Variants in SLC30A1 observed in about 807,000 individuals in gnomAD.
SLC30A1 encodes the protein proton-coupled zinc antiporter SLC30A1.
SLC30A1 carries 7 observed loss-of-function variants against 29.8 expected under a neutral mutation model. The observed-to-expected ratio is 0.23, with a 90% CI of 0.13 to 0.44. SLC30A1 has a LOEUF of 0.44. Among genes scored for constraint, SLC30A1 ranks in the 20% least tolerant of loss-of-function variants. The pLI is 1.00. For synonymous variants in SLC30A1, 254 were observed against 253.5 expected, an observed-to-expected ratio of 1.00 and a Z score of -0.02; for missense variants, 446 against 647.9, an observed-to-expected ratio of 0.69 and a Z score of 3.38.
In SLC30A1 at chr1:211,577,987, T is replaced by C. The variant is rs1289191515; in HGVS notation, c.622+4A>G. The C allele has an allele frequency of 6.2e-7, 1 of 1,612,664 alleles. No individual in the cohort carries two copies. The highest frequency in any genetic ancestry group is 2.2e-5 in the East Asian group (1 of 44,872). ...CACCTGCGGCAGCGACTTTCCCGGCTCACCTGCGGGGTCCAATTTCAGCCC... is the reference window on the plus strand; with the variant it reads ...CACCTGCGGCAGCGACTTTCCCGGCCCACCTGCGGGGTCCAATTTCAGCCC... On this transcript the variant is annotated splice_donor_region_variant and intron_variant, in intron 1 of 1. Coordinates refer to ENST00000367001, the MANE Select transcript of SLC30A1 (RefSeq NM_021194.3). The surrounding 1 kb of genome is among the most constrained non-coding windows in gnomAD (Gnocchi z 4.5).
rs951889028 is a variant in SLC30A1, at chr1:211,572,551, C to A, written c.*2837G>T. On this transcript the variant is annotated 3_prime_UTR_variant, in exon 2 of 2. Transcript: ENST00000367001. ...CACAAACGGTTAACACAGCCTTCTA[C>A]CTACTGTGATTTTCCAAGGTGCATT... 4 of 152,046 alleles carry A rather than the reference C, an allele frequency of 2.6e-5. No individual in the cohort carries two copies. Among genetic ancestry groups the A allele is most frequent in the Non-Finnish European group, 5.9e-5 (4 of 67,928 alleles). The allele number at this position is 152,046 out of a possible 1,614,324, so 9.4% of individuals were successfully genotyped here.
In SLC30A1 at chr1:211,578,159, C is replaced by G. The variant is rs771552052; in HGVS notation, c.454G>C (p.Gly152Arg). 3 of 1,608,500 alleles carry G rather than the reference C, an allele frequency of 1.9e-6. No homozygotes were observed. The highest frequency in any genetic ancestry group is 2.5e-6 in the Non-Finnish European group (3 of 1,178,172). Residue 152 changes from glycine (G) to arginine (R), a missense_variant, in exon 1 of 2, where the codon GGT (glycine) becomes CGT (arginine). Gly to Arg is a moderately radical substitution (Grantham distance 125). Transcript: ENST00000367001. ...QDSGHGHSHG[G>R]HGHGHGLPKG... ...GGGAGGCCGTGGCCGTGGCCGTGACCCCCGTGCGAGTGGCCGTGGCCGGAG... is the reference window on the plus strand; with the variant it reads ...GGGAGGCCGTGGCCGTGGCCGTGACGCCCGTGCGAGTGGCCGTGGCCGGAG...
chr1:211,577,879 G>A lies in SLC30A1; in HGVS notation c.622+112C>T, dbSNP rs1418215277. ...GGGAGGGAGCAGGCAGGGGCGGCGC[G>A]GCGCAGGCCCGCTCGGGCAGCAGGG... On this transcript the variant is annotated intron_variant, in intron 1 of 1. Transcript: ENST00000367001. This position sits in a 1 kb window ranked among gnomAD's most constrained non-coding sequence, Gnocchi z 4.5. 7 of 1,400,526 alleles carry A rather than the reference G, an allele frequency of 5.0e-6. No homozygotes were observed. Among genetic ancestry groups the A allele is most frequent in the Non-Finnish European group, 5.7e-6 (6 of 1,049,148 alleles). The allele number at this position is 1,400,526 out of a possible 1,614,324, so 86.8% of individuals were successfully genotyped here.
chr1:211,572,387 C>G lies in SLC30A1; in HGVS notation c.*3001G>C, dbSNP rs932828411. 1 of 152,088 alleles carries G rather than the reference C, an allele frequency of 6.6e-6. No individual in the cohort carries two copies. The highest frequency in any genetic ancestry group is 1.5e-5 in the Non-Finnish European group (1 of 67,932). 9.4% of individuals were successfully genotyped at this position (152,088 alleles called of 1,614,324 possible). A position where few individuals can be genotyped will look rare whatever the true frequency, so the allele number is the denominator to read the frequency against. ...GCAGGTTAATGACATTTTTATCATT[C>G]AAATGATATCTGCTTATACACAGTA... On this transcript the variant is annotated 3_prime_UTR_variant, in exon 2 of 2. Coordinates refer to ENST00000367001, the MANE Select transcript of SLC30A1 (RefSeq NM_021194.3).
chr1:211,575,216 T>C lies in SLC30A1; in HGVS notation c.*172A>G. 1.6e-6 allele frequency: 1 copy of C among 608,632 alleles called. No individual in the cohort carries two copies. Among genetic ancestry groups the C allele is most frequent in the African/African-American group, 1.8e-5 (1 of 54,332 alleles). The allele number at this position is 608,632 out of a possible 1,614,324, so 37.7% of individuals were successfully genotyped here. ...TACTCTGTACTAATAATCACAAAAT[T>C]GTAATATAGAACTCTGTTATGCAGT... On this transcript the variant is annotated 3_prime_UTR_variant, in exon 2 of 2. Transcript: ENST00000367001. The surrounding 1 kb of genome is among the most constrained non-coding windows in gnomAD (Gnocchi z 6.0).
In SLC30A1 at chr1:211,575,550, A is replaced by C. The variant is rs1706707866; in HGVS notation, c.1362T>G (p.Pro454=). ...GGGTCTTTTCTGCATCCTTTCCAGA[A>C]GGGGCTTGTGGTAGTGTCCCACAAC... ...KQCCGTLPQA[P]SGKDAEKTPA... The change falls in exon 2 of 2, where the codon CCT becomes CCG. Residue 454 remains proline (P), a synonymous_variant. Coordinates refer to ENST00000367001, the MANE Select transcript of SLC30A1 (RefSeq NM_021194.3). This position sits in a 1 kb window ranked among gnomAD's most constrained non-coding sequence, Gnocchi z 6.0. 4.3e-6 allele frequency: 7 copies of C among 1,614,194 alleles called. No individual in the cohort carries two copies. The East Asian group carries it at 1.6e-4, about 36-fold the overall frequency.
In SLC30A1 at chr1:211,575,731, G is replaced by A. The variant is rs749609824; in HGVS notation, c.1181C>T (p.Thr394Ile). ...GGTTTTAGCCACCTCCATGTATGAT[G>A]TTGGATCTTCACATTTTATGTGAGC... is the stretch of plus-strand genomic sequence containing the variant. ...ATAHIKCEDPTSYMEVAKTIK... is the reference protein window; with the variant it reads ...ATAHIKCEDPISYMEVAKTIK... Residue 394 changes from threonine to isoleucine, a missense_variant, in exon 2 of 2, where the codon ACA (threonine) becomes ATA (isoleucine). Transcript: ENST00000367001. This position sits in a 1 kb window ranked among gnomAD's most constrained non-coding sequence, Gnocchi z 6.0. The A allele has an allele frequency of 8.7e-6, 14 of 1,613,990 alleles. No individual in the cohort carries two copies. The highest frequency in any genetic ancestry group is 6.7e-5 in the Admixed American group (4 of 60,008).
chr1:211,578,187 C>T lies in SLC30A1; in HGVS notation c.426G>A (p.Gln142=), dbSNP rs573282488. The T allele has an allele frequency of 1.9e-6, 3 of 1,609,922 alleles. No individual in the cohort carries two copies. In the African/African-American group the frequency reaches 4.0e-5, roughly 21 times the overall value. Residue 142 remains glutamine (Q), a synonymous_variant, in exon 1 of 2, where the codon CAG becomes CAA. Coordinates refer to ENST00000367001, the MANE Select transcript of SLC30A1 (RefSeq NM_021194.3). ...CGTGCGAGTGGCCGTGGCCGGAGTCCTGGCTGAAGCCGCTGTGATGGTGGA... is the reference window on the plus strand; with the variant it reads ...CGTGCGAGTGGCCGTGGCCGGAGTCTTGGCTGAAGCCGCTGTGATGGTGGA... ...CLFHHHSGFS[Q]DSGHGHSHGG... is the part of the protein sequence containing the mutation.
rs930321729 is a variant in SLC30A1 at position 211,571,584 on chromosome 1, T to C, written c.*3804A>G. 1 of 152,222 alleles carries C rather than the reference T, an allele frequency of 6.6e-6. No individual in the cohort carries two copies. The highest frequency in any genetic ancestry group is 2.4e-5 in the African/African-American group (1 of 41,454). The allele number at this position is 152,222 out of a possible 1,614,324, so 9.4% of individuals were successfully genotyped here. A position where few individuals can be genotyped will look rare whatever the true frequency, so the allele number is the denominator to read the frequency against. On this transcript the variant is annotated 3_prime_UTR_variant, in exon 2 of 2. Transcript: ENST00000367001. ...CAAATGAAGTAGATATTAAAATTAG[T>C]TTATTTTTCTACTTAACTTTTAATA...
rs1706754531 is a variant in SLC30A1, at chr1:211,578,836, AGC to A, written c.-226_-225del. On this transcript the variant is annotated 5_prime_UTR_variant, in exon 1 of 2. It adds an upstream start codon to the 5' untranslated region. Coordinates refer to ENST00000367001, the MANE Select transcript of SLC30A1 (RefSeq NM_021194.3). The stretch of plus-strand genomic sequence containing the variant: ...GCCAGCCGGCGGCGCCGCGCCGCGC[AGC>A]TCCTCAGGCGTCCGTCCTCAGAGCC... 1 of 331,634 alleles carries A rather than the reference AGC, an allele frequency of 3.0e-6. No homozygotes were observed. Among genetic ancestry groups the A allele is most frequent in the East Asian group, 4.9e-5 (1 of 20,380 alleles). 20.5% of individuals were successfully genotyped at this position (331,634 alleles called of 1,614,324 possible). A position where few individuals can be genotyped will look rare whatever the true frequency, so the allele number is the denominator to read the frequency against.
rs769180039 is a variant in SLC30A1 at position 211,575,891 on chromosome 1, G to A, written c.1021C>T (p.Leu341Phe). ...TTYPLLKESA[L>F]ILLQTVPKQI... ...TTAGGAACAGTTTGTAGAAGAATAA[G>A]AGCAGATTCCTTAAGTAATGGATAG... The change falls in exon 2 of 2, where the codon CTT becomes TTT. Residue 341 changes from leucine to phenylalanine, a missense_variant. This residue lies in a region of SLC30A1 where 187 missense variants were observed against 312.7 expected (regional missense o/e 0.60). Coordinates refer to ENST00000367001, the MANE Select transcript of SLC30A1 (RefSeq NM_021194.3). The surrounding 1 kb of genome is among the most constrained non-coding windows in gnomAD (Gnocchi z 6.0). The A allele has an allele frequency of 1.2e-6, 2 of 1,612,768 alleles. No homozygotes were observed. Among genetic ancestry groups the A allele is most frequent in the African/African-American group, 1.3e-5 (1 of 74,776 alleles).
rs761411455 is a variant in SLC30A1 at position 211,578,664 on chromosome 1, G to A, written c.-52C>T. 2.8e-6 allele frequency: 4 copies of A among 1,424,894 alleles called. No homozygotes were observed. In the East Asian group the frequency reaches 8.1e-5, roughly 29 times the overall value. 88.3% of individuals were successfully genotyped at this position (1,424,894 alleles called of 1,614,324 possible). ...CCGGCCCGGAGACTGGTGCAGCGGC[G>A]GCGTTGGCGGGACGCGGAGGGTCGG... On this transcript the variant is annotated 5_prime_UTR_variant, in exon 1 of 2. Coordinates refer to ENST00000367001, the MANE Select transcript of SLC30A1 (RefSeq NM_021194.3).
chr1:211,579,131 T>A lies in SLC30A1; in HGVS notation c.-519A>T, dbSNP rs1402127526. Among the ~76,000 whole-genome samples the A allele has an allele frequency of 6.6e-6, 1 of 152,200 alleles. No individual in the cohort carries two copies. Among genetic ancestry groups the A allele is most frequent in the African/African-American group, 2.4e-5 (1 of 41,452 alleles). Reference sequence around the variant, plus strand: ...CTAGAGAGGCGGCGGCCACGGCAGCTGCACTCGGCCCGGTCTCGGGCGCCT... The same window carrying A: ...CTAGAGAGGCGGCGGCCACGGCAGCAGCACTCGGCCCGGTCTCGGGCGCCT... On this transcript the variant is annotated 5_prime_UTR_variant, in exon 1 of 2. Coordinates refer to ENST00000367001, the MANE Select transcript of SLC30A1 (RefSeq NM_021194.3).
Position 211,578,535 on chromosome 1 carries a change from C to T in SLC30A1, c.78G>A (p.Val26=), listed in dbSNP as rs765560510. The change falls in exon 1 of 2, where the codon GTG becomes GTA. Residue 26 remains valine, a synonymous_variant. Coordinates refer to ENST00000367001, the MANE Select transcript of SLC30A1 (RefSeq NM_021194.3). ...GCGACGAGGTCACCCGGCTCACCACCACCTCCAGCACCATGAACATGAAGG... is the reference window on the plus strand; with the variant it reads ...GCGACGAGGTCACCCGGCTCACCACTACCTCCAGCACCATGAACATGAAGG... The part of the protein sequence containing the change: ...ALTFMFMVLE[V]VVSRVTSSLA... The T allele has an allele frequency of 5.8e-5, 94 of 1,610,790 alleles. No homozygotes were observed. Among genetic ancestry groups the T allele is most frequent in the Non-Finnish European group, 7.5e-5 (88 of 1,179,146 alleles).
chr1:211,579,138 G>A lies in SLC30A1; in HGVS notation c.-526C>T, dbSNP rs1321152861. On this transcript the variant is annotated 5_prime_UTR_variant, in exon 1 of 2. Coordinates refer to ENST00000367001, the MANE Select transcript of SLC30A1 (RefSeq NM_021194.3). The stretch of plus-strand genomic sequence containing the variant: ...GGCGGCGGCCACGGCAGCTGCACTC[G>A]GCCCGGTCTCGGGCGCCTTCTTCGC... Among the ~76,000 whole-genome samples, 1 of 152,240 alleles carries A rather than the reference G, an allele frequency of 6.6e-6. No homozygotes were observed. Among genetic ancestry groups the A allele is most frequent in the Non-Finnish European group, 1.5e-5 (1 of 68,034 alleles).
At position 211,573,261 on chromosome 1, in the gene SLC30A1, T is replaced by A. The variant is rs1352148047; in HGVS notation, c.*2127A>T. ...GTACCACCATTATATATAAGCTACT[T>A]AAAAATTATGAAAAGTGAAATAACT... On this transcript the variant is annotated 3_prime_UTR_variant, in exon 2 of 2. Transcript: ENST00000367001. The A allele has an allele frequency of 6.6e-6, 1 of 152,048 alleles. No individual in the cohort carries two copies. The highest frequency in any genetic ancestry group is 1.5e-5 in the Non-Finnish European group (1 of 67,928). 9.4% of individuals were successfully genotyped at this position (152,048 alleles called of 1,614,324 possible).
rs964673874 is a variant in SLC30A1, at chr1:211,577,873, C to A, written c.622+118G>T. ...AGGACGGGGAGGGAGCAGGCAGGGG[C>A]GGCGCGGCGCAGGCCCGCTCGGGCA... is the stretch of plus-strand genomic sequence containing the variant. On this transcript the variant is annotated intron_variant, in intron 1 of 1. Transcript: ENST00000367001. This position sits in a 1 kb window ranked among gnomAD's most constrained non-coding sequence, Gnocchi z 4.5. 3.7e-6 allele frequency: 5 copies of A among 1,343,862 alleles called. No individual in the cohort carries two copies. In the East Asian group the frequency reaches 1.2e-4, roughly 33 times the overall value. 83.2% of individuals were successfully genotyped at this position (1,343,862 alleles called of 1,614,324 possible). A position where few individuals can be genotyped will look rare whatever the true frequency, so the allele number is the denominator to read the frequency against.
Position 211,572,024 on chromosome 1 carries a change from T to C in SLC30A1, c.*3364A>G, listed in dbSNP as rs891108799. 8 of 152,114 alleles carry C rather than the reference T, an allele frequency of 5.3e-5. No homozygotes were observed. The highest frequency in any genetic ancestry group is 1.9e-4 in the African/African-American group (8 of 41,456). The allele number at this position is 152,114 out of a possible 1,614,324, so 9.4% of individuals were successfully genotyped here. A position where few individuals can be genotyped will look rare whatever the true frequency, so the allele number is the denominator to read the frequency against. On this transcript the variant is annotated 3_prime_UTR_variant, in exon 2 of 2. Coordinates refer to ENST00000367001, the MANE Select transcript of SLC30A1 (RefSeq NM_021194.3). ...TCTTTTTGCCAAAGACACTGGACCATAAAATTTTTGGTTTAAAAGTTTAAA... is the reference window on the plus strand; with the variant it reads ...TCTTTTTGCCAAAGACACTGGACCACAAAATTTTTGGTTTAAAAGTTTAAA...
rs1558203974 is a variant in SLC30A1 at position 211,576,050 on chromosome 1, G to A, written c.862C>T (p.Pro288Ser). 6.2e-7 allele frequency: 1 copy of A among 1,613,338 alleles called. No individual in the cohort carries two copies. The highest frequency in any genetic ancestry group is 8.5e-7 in the Non-Finnish European group (1 of 1,179,742). ...EGDFCVNPCF[P>S]DPCKAFVEII... ...TCTACAAATGCTTTGCAGGGGTCAG[G>A]GAAACATGGATTCACACAAAAATCC... The change falls in exon 2 of 2, where the codon CCT becomes TCT. Residue 288 changes from proline to serine, a missense_variant. Pro to Ser is a moderately conservative substitution (Grantham distance 74). Around this residue, in one of 5 missense-constraint regions of SLC30A1, gnomAD observed 187 missense variants for 312.7 expected, o/e 0.60. Transcript: ENST00000367001.
Sources: allele counts gnomAD v4.1 joint callset (sites outside exome capture counted in the v4.1 genomes callset), GRCh38; gene constraint gnomAD v4.1.1; regional missense constraint gnomAD v4.1.1; non-coding constraint Gnocchi (gnomAD v3.1); transcripts MANE v1.5; gene names NCBI Gene and HGNC (gene_info 2026-07-23, HGNC 2026-07-21).